The following GRID2 variants were observed in gnomAD, a reference collection of about 807,000 sequenced individuals.
GRID2 encodes the protein glutamate ionotropic receptor delta type subunit 2, also known as glutamate receptor ionotropic, delta-2.
A neutral mutation model predicts 114.8 loss-of-function variants in GRID2; 33 were observed. That is an observed-to-expected ratio of 0.29 (90% CI 0.22 to 0.38). The LOEUF (loss-of-function observed/expected upper bound fraction) is 0.38. Among genes scored for constraint, GRID2 ranks in the 10% least tolerant of loss-of-function variants. The pLI, the probability that GRID2 is intolerant of heterozygous loss-of-function variation, is 1.00. For missense variants in GRID2, 1,184 were observed against 1,257.7 expected (o/e 0.94, Z 0.89); for synonymous variants, 505 against 449.9 (o/e 1.12, Z -1.55).
intron 8 of GRID2, among the ~76,000 whole-genome samples, chr4:93,294,949 G>A (rs1047471492): frequency 2.0e-5 from 3 of 152,146 alleles, no homozygotes; most frequent in African/African-American, 7.2e-5. Flanking sequence ...ATCGGATAGG[G>A]TGTGAAATAA....
rs545324985 is a variant in GRID2 at position 92,760,492 on chromosome 4, A to G, written c.244+170206A>G. The stretch of plus-strand genomic sequence containing the variant: ...AGTATGAAGGCACAATGCCCTCACC[A>G]TACCCAGAACTACTCTCCACAGCCA... On this transcript the variant is annotated intron_variant, in intron 2 of 15. Transcript: ENST00000282020. Among the ~76,000 whole-genome samples, 509 of 152,202 alleles carry G rather than the reference A, an allele frequency of 3.3e-3. 4 individuals carry two copies. Among genetic ancestry groups the G allele is most frequent in the Non-Finnish European group, 4.9e-3 (335 of 68,000 alleles).
At chr4:93,207,643 TAATAA>T (rs1051655540) in intron 5 of GRID2, among the ~76,000 whole-genome samples, 186 bp downstream of exon 5, 11 of 152,126 alleles carry the variant, frequency 7.2e-5, no homozygotes, top group Admixed American at 5.2e-4. Context: ...GGTTTTATAT[TAATAA>T]AATAAATGGA....
intron 10 of GRID2, among the ~76,000 whole-genome samples, chr4:93,448,203 T>C (rs1722272723): frequency 6.6e-6 from 1 of 151,750 alleles, no homozygotes; most frequent in Non-Finnish European, 1.5e-5. Flanking sequence ...AGGGAATAAG[T>C]GGAAGTAACA....
At chr4:93,057,675 G>A (rs1290418461) in intron 2 of GRID2, among the ~76,000 whole-genome samples, 1 of 151,860 alleles carries the variant, frequency 6.6e-6, no homozygotes, top group African/African-American at 2.4e-5. Context: ...CCTCAAACTA[G>A]TCTGGGAAGA....
intron 2 of GRID2, among the ~76,000 whole-genome samples, chr4:93,074,139 C>T (rs1729057971): frequency 6.6e-6 from 1 of 152,158 alleles, no homozygotes; most frequent in Non-Finnish European, 1.5e-5. Flanking sequence ...TAGAGGAATC[C>T]AAAGCCTGTG....
rs1553916864 is a variant in GRID2, at chr4:92,688,037, C to CCTTTTTTTTTTTTTTTTTTTTTTTTTTT, written c.244+97751_244+97752insCTTTTTTTTTTTTTTTTTTTTTTTTTTT. On this transcript the variant is annotated intron_variant, in intron 2 of 15. Transcript: ENST00000282020. Reference sequence around the variant, plus strand: ...GCCACATTGGTTGACCCTTCTTCTTCTTTTTTTTTTTTTTTTTTTTTTTTT... The same window carrying CCTTTTTTTTTTTTTTTTTTTTTTTTTTT: ...GCCACATTGGTTGACCCTTCTTCTTCCTTTTTTTTTTTTTTTTTTTTTTTTTTTTTTTTTTTTTTTTTTTTTTTTTTTT... Among the ~76,000 whole-genome samples the CCTTTTTTTTTTTTTTTTTTTTTTTTTTT allele has an allele frequency of 2.8e-3, 125 of 44,666 alleles. 11 individuals are homozygous for CCTTTTTTTTTTTTTTTTTTTTTTTTTTT. The highest frequency in any genetic ancestry group is 4.8e-3 in the East Asian group (9 of 1,888). 29.3% of individuals were successfully genotyped at this position (44,666 alleles called of 152,430 possible).
intron 8 of GRID2, among the ~76,000 whole-genome samples, chr4:93,353,657 TA>T (rs946377566): frequency 3.9e-4 from 60 of 152,064 alleles, no homozygotes; most frequent in Non-Finnish European, 7.4e-4. Context: ...TATAGACACC[TA>T]AAAAAATTGA....
At chr4:93,745,680 T>A (rs1158431879) in intron 14 of GRID2, among the ~76,000 whole-genome samples, 1 of 152,146 alleles carries the variant, frequency 6.6e-6, no homozygotes, top group East Asian at 1.9e-4. Context: ...TTCTCTTTCG[T>A]AAGGACTCAG....
intron 2 of GRID2, among the ~76,000 whole-genome samples, chr4:92,844,971 G>C (rs914757845): frequency 9.9e-5 from 15 of 152,100 alleles, no homozygotes; most frequent in African/African-American, 3.6e-4. Flanking sequence ...TGGCTGTTGA[G>C]CACTAACTAG....
In GRID2 at chr4:93,558,275, T is replaced by G. The variant is rs766558556; in HGVS notation, c.2193+42864T>G. Among the ~76,000 whole-genome samples, 27 of 152,052 alleles carry G rather than the reference T, an allele frequency of 1.8e-4. 1 individual carries two copies. Among genetic ancestry groups the G allele is most frequent in the Non-Finnish European group, 2.9e-4 (20 of 68,016 alleles). On this transcript the variant is annotated intron_variant, in intron 13 of 15. Coordinates refer to ENST00000282020, the MANE Select transcript of GRID2 (RefSeq NM_001510.4). ...AAGGAGAAAGAGACACGAAAAACCC[T>G]TCAAAAATCAATGAATCCAGGAGAT...
intron 2 of GRID2, among the ~76,000 whole-genome samples, chr4:93,031,038 T>A (rs971562474): frequency 6.9e-6 from 1 of 145,122 alleles, no homozygotes; most frequent in African/African-American, 2.6e-5. Context: ...CTCCATTTTT[T>A]TTTTTTTTTT....
chr4:92,869,267 A>T (rs940426217), intron 2 of GRID2, among the ~76,000 whole-genome samples: 8 of 152,350 alleles, frequency 5.3e-5, no homozygotes, highest in African/African-American at 1.9e-4. Flanking sequence ...TTAATTCAAG[A>T]TGAAATTTAT....
chr4:93,271,694 A>C (rs532110140), intron 8 of GRID2, among the ~76,000 whole-genome samples: 1 of 152,324 alleles, frequency 6.6e-6, no homozygotes, highest in South Asian at 2.1e-4. Context: ...GGACCTGTCT[A>C]AATTTTTTGA....
At chr4:93,113,248 A>C (rs756190614) in intron 4 of GRID2, among the ~76,000 whole-genome samples, 2 of 152,156 alleles carry the variant, frequency 1.3e-5, no homozygotes, top group Admixed American at 6.5e-5. Context: ...AAATGAACTC[A>C]TATAATCTTC....
chr4:93,744,398 G>A (rs973217453), intron 14 of GRID2, among the ~76,000 whole-genome samples: 4 of 152,180 alleles, frequency 2.6e-5, no homozygotes, highest in Non-Finnish European at 5.9e-5. Flanking sequence ...ATGGAAAGAG[G>A]ACAAAATATC....
intron 2 of GRID2, among the ~76,000 whole-genome samples, chr4:92,974,943 G>C (rs1044843084): frequency 2.5e-5 from 2 of 79,806 alleles, no homozygotes; most frequent in African/African-American, 1.0e-4. Context: ...GGATCACAAG[G>C]TCAGGAGATC....
intron 4 of GRID2, among the ~76,000 whole-genome samples, chr4:93,146,784 A>G (rs896352726): frequency 2.6e-5 from 4 of 152,132 alleles, no homozygotes; most frequent in East Asian, 1.9e-4. Flanking sequence ...TTCAGCTACT[A>G]TGCTTTTCAT....
At chr4:93,261,271 C>T (rs771405067) in intron 8 of GRID2, among the ~76,000 whole-genome samples, 5 of 151,834 alleles carry the variant, frequency 3.3e-5, no homozygotes, top group Non-Finnish European at 5.9e-5. Context: ...CCACACTTTA[C>T]GAAAGTGCTT....
intron 13 of GRID2, among the ~76,000 whole-genome samples, chr4:93,515,764 CAG>C (rs1393941679): frequency 6.6e-6 from 1 of 152,116 alleles, no homozygotes; most frequent in South Asian, 2.1e-4. Context: ...TTAAATGACT[CAG>C]GGTATTTTCT....
Sources: gnomAD v4.1 joint callset for allele counts (sites outside exome capture counted in the v4.1 genomes callset) on GRCh38, gnomAD v4.1.1 for gene constraint, MANE v1.5 for transcripts, NCBI Gene and HGNC (gene_info 2026-07-23, HGNC 2026-07-21) for gene names.